ABHD8: variants seen among roughly 807,000 people sequenced by gnomAD.
The protein encoded by ABHD8 is protein ABHD8.
A neutral mutation model predicts 29.3 loss-of-function variants in ABHD8; 10 were observed. The ratio of observed to expected loss-of-function variants is 0.34; its 90% CI spans 0.21 to 0.58. The LOEUF is 0.58. ABHD8 is among the 20% of genes least tolerant of loss of function. ABHD8 has a pLI of 0.85. For synonymous variants in ABHD8, 282 were observed against 274.6 expected (o/e 1.03, Z -0.27); for missense variants, 556 against 615.3 (o/e 0.90, Z 1.02).
In ABHD8 at chr19:17,296,430, G is replaced by C. The variant is rs143336254; in HGVS notation, c.762-1585C>G. ...TCAGCAAGTGGTAGGAAAGCAATCT[G>C]ATTAAACAAATGCTTCCGGCTGCCC... On this transcript the variant is annotated intron_variant, in intron 2 of 4. Coordinates refer to ENST00000247706, the MANE Select transcript of ABHD8 (RefSeq NM_024527.5). The C allele has an allele frequency of 4.6e-5, 7 of 152,282 alleles. No homozygotes were observed. The East Asian group carries it at 1.3e-3, about 29-fold the overall frequency. The allele number at this position is 152,282 out of a possible 1,614,324, so 9.4% of individuals were successfully genotyped here.
chr19:17,294,583 C>A, intron 3 of ABHD8, 79 bp from the exon 4 acceptor site: 1 of 1,607,446 alleles, frequency 6.2e-7, no homozygotes, highest in Non-Finnish European at 8.5e-7. Flanking sequence ...CAGCCCTAGT[C>A]CCAGCGGTAC....
rs140686610 is a variant in ABHD8, at chr19:17,294,462, T to C, written c.975A>G (p.Leu325=). 1.2e-6 allele frequency: 2 copies of C among 1,614,016 alleles called. No individual in the cohort carries two copies. The highest frequency in any genetic ancestry group is 1.3e-5 in the African/African-American group (1 of 74,932). Residue 325 remains leucine, a synonymous_variant, in exon 4 of 5, where the codon TTA becomes TTG. Coordinates refer to ENST00000247706, the MANE Select transcript of ABHD8 (RefSeq NM_024527.5). ...ACACGTTGAAAGCGTTGCCCTCCTT[T>C]AACAGCTGCTTCTCCTTGGCTCCTT... is the stretch of plus-strand genomic sequence containing the variant. ...ARQGAKEKQL[L]KEGNAFNVSS... is the part of the protein sequence containing the mutation.
chr19:17,301,424 A>G lies in ABHD8; in HGVS notation c.193T>C (p.Ser65Pro), dbSNP rs2074117932. The part of the protein sequence containing the change: ...AAPPPPSSAS[S>P]DAAQGDLSGL... ...GAGAGGTCCCCCTGGGCTGCATCCGAGGATGCGGATGATGGTGGAGGTGGG... is the reference window on the plus strand; with the variant it reads ...GAGAGGTCCCCCTGGGCTGCATCCGGGGATGCGGATGATGGTGGAGGTGGG... The change falls in exon 2 of 5, where the codon TCG becomes CCG. Residue 65 changes from serine to proline, a missense_variant. Transcript: ENST00000247706. 1 of 1,612,018 alleles carries G rather than the reference A, an allele frequency of 6.2e-7. No individual in the cohort carries two copies. Among genetic ancestry groups the G allele is most frequent in the Non-Finnish European group, 8.5e-7 (1 of 1,179,888 alleles).
intron 2 of ABHD8, among the ~76,000 whole-genome samples, chr19:17,300,040 G>T (rs557022889): frequency 6.6e-6 from 1 of 151,276 alleles, no homozygotes; most frequent in African/African-American, 2.4e-5. Context: ...GAGTAGCTGG[G>T]ACTATAGGTG....
chr19:17,302,796 T>A (rs117410295), intron 1 of ABHD8: 2,670 of 152,200 alleles, frequency 0.018, 29 homozygotes, highest in Non-Finnish European at 0.026. Flanking sequence ...CCCGCCCCCG[T>A]GTCCATGGCA....
At chr19:17,294,598 C>T (rs2074085391) in intron 3 of ABHD8, 77 bp downstream of exon 3, 15 of 1,606,288 alleles carry the variant, frequency 9.3e-6, no homozygotes, top group Non-Finnish European at 1.1e-5. Context: ...CGGTACAGTC[C>T]CCCCTCCCAT....
intron 2 of ABHD8, among the ~76,000 whole-genome samples, chr19:17,296,895 G>A (rs994952781): frequency 4.0e-5 from 6 of 151,776 alleles, no homozygotes; most frequent in Non-Finnish European, 7.4e-5. Flanking sequence ...GGGTTTCACC[G>A]TGTTAGTCAG....
chr19:17,295,130 G>T (rs1205834066), intron 2 of ABHD8, among the ~76,000 whole-genome samples: 20 of 118,628 alleles, frequency 1.7e-4, no homozygotes, highest in Admixed American at 1.3e-3. Flanking sequence ...ACGGAGTCTC[G>T]CTCTGTCGCC....
chr19:17,301,680 G>A (rs764220135), intron 1 of ABHD8, 56 bp from the exon 2 acceptor site: 538 of 1,460,454 alleles, frequency 3.7e-4, no homozygotes, highest in Non-Finnish European at 4.6e-4. Context: ...ACCCTGCACC[G>A]TGCAGCAGGC....
At position 17,301,158 on chromosome 19, in the gene ABHD8, GCGCCTGGCTCGC is replaced by G; in HGVS notation, c.447_458del (p.Arg150_Arg153del). The G allele has an allele frequency of 6.2e-7, 1 of 1,611,138 alleles. No homozygotes were observed. Among genetic ancestry groups the G allele is most frequent in the Non-Finnish European group, 8.5e-7 (1 of 1,179,612 alleles). Reference sequence around the variant, plus strand: ...AGTCAATATGGATGGTCCTCTTGGGGCGCCTGGCTCGCCGCCGCCGCCCACCACTGCCACTGC... The same window carrying G: ...AGTCAATATGGATGGTCCTCTTGGGGCGCCGCCGCCCACCACTGCCACTGC... On this transcript the variant is annotated inframe_deletion, in exon 2 of 5. Transcript: ENST00000247706.
chr19:17,293,919 A>G (rs1346321259), intron 4 of ABHD8, among the ~76,000 whole-genome samples: 6 of 151,996 alleles, frequency 3.9e-5, no homozygotes, highest in Admixed American at 3.3e-4. Flanking sequence ...TGAACTCGCT[A>G]ATTAGAGTTT....
chr19:17,301,566 G>T lies in ABHD8; in HGVS notation c.51C>A (p.Pro17=). 6.3e-7 allele frequency: 1 copy of T among 1,597,974 alleles called. No individual in the cohort carries two copies. Among genetic ancestry groups the T allele is most frequent in the Non-Finnish European group, 8.5e-7 (1 of 1,171,236 alleles). The change falls in exon 2 of 5, where the codon CCC becomes CCA. Residue 17 remains proline (P), a synonymous_variant. Coordinates refer to ENST00000247706, the MANE Select transcript of ABHD8 (RefSeq NM_024527.5). ...DGIFCCLLGT[P]PNAVGPLESV... is the part of the protein sequence containing the mutation. ...TCTCCAGTGGCCCCACGGCGTTGGG[G>T]GGCGTGCCCAGCAGGCAACAGAAGA...
rs538415951 is a variant in ABHD8, at chr19:17,301,709, G to A, written c.-8-85C>T. ...AGCAGGCACTCCCTGAGCCTTGGGAGAACTGTTTTAGACTCCAGTTTGGGG... is the reference window on the plus strand; with the variant it reads ...AGCAGGCACTCCCTGAGCCTTGGGAAAACTGTTTTAGACTCCAGTTTGGGG... On this transcript the variant is annotated intron_variant, in intron 1 of 4. Transcript: ENST00000247706. The A allele has an allele frequency of 4.0e-5, 57 of 1,412,936 alleles. 2 individuals are homozygous for A. In the South Asian group the frequency reaches 7.9e-4, roughly 20 times the overall value. 87.5% of individuals were successfully genotyped at this position (1,412,936 alleles called of 1,614,324 possible).
At position 17,301,211 on chromosome 19, in the gene ABHD8, C is replaced by T. The variant is rs762089945; in HGVS notation, c.406G>A (p.Ala136Thr). ...GSDGRLAPGS[A>T]GSGSGSGSGG... ...CTGCCACTGCCGCTGCCGCTGCCTGCGCTGCCGGGGGCCAAGCGGCCATCG... is the reference window on the plus strand; with the variant it reads ...CTGCCACTGCCGCTGCCGCTGCCTGTGCTGCCGGGGGCCAAGCGGCCATCG... The change falls in exon 2 of 5, where the codon GCA becomes ACA. Residue 136 changes from alanine to threonine, a missense_variant. Physicochemically the swap from Ala to Thr is moderately conservative, Grantham distance 58. This residue lies in a region of ABHD8 where 286 missense variants were observed against 261.4 expected (regional missense o/e 1.09). Coordinates refer to ENST00000247706, the MANE Select transcript of ABHD8 (RefSeq NM_024527.5). 2.0e-5 allele frequency: 32 copies of T among 1,598,538 alleles called. No homozygotes were observed. The highest frequency in any genetic ancestry group is 2.6e-5 in the Non-Finnish European group (31 of 1,175,252).
chr19:17,294,940 GT>G, intron 2 of ABHD8, 95 bp from the exon 3 acceptor site: 1 of 1,428,424 alleles, frequency 7.0e-7, no homozygotes, highest in Non-Finnish European at 9.5e-7. Flanking sequence ...TTTTGTTTTT[GT>G]TTGAGACAGT....
intron 1 of ABHD8, 148 bp from the exon 2 acceptor site, chr19:17,301,772 TTGTTTG>T: frequency 2.3e-6 from 2 of 871,498 alleles, no homozygotes; most frequent in South Asian, 2.2e-5. Context: ...TGAGATTTTT[TTGTTTG>T]TGTGTGTGTG....
Position 17,301,366 on chromosome 19 carries a change from A to G in ABHD8, c.251T>C (p.Val84Ala), listed in dbSNP as rs912465414. ...GLVRCQRRIT[V>A]YRNGRLLVEN... Reference sequence around the variant, plus strand: ...CACCAGCAACCGCCCATTGCGGTACACGGTGATCCGGCGCTGACAGCGGAC... The same window carrying G: ...CACCAGCAACCGCCCATTGCGGTACGCGGTGATCCGGCGCTGACAGCGGAC... Residue 84 changes from valine to alanine, a missense_variant, in exon 2 of 5, where the codon GTG becomes GCG. This residue lies in a region of ABHD8 where 286 missense variants were observed against 261.4 expected (regional missense o/e 1.09). Transcript: ENST00000247706. 16 of 1,610,900 alleles carry G rather than the reference A, an allele frequency of 9.9e-6. No individual in the cohort carries two copies. The highest frequency in any genetic ancestry group is 1.4e-5 in the Non-Finnish European group (16 of 1,179,904).
chr19:17,297,710 T>C (rs2074098901), intron 2 of ABHD8: 1 of 151,838 alleles, frequency 6.6e-6, no homozygotes, highest in Admixed American at 6.6e-5. Context: ...ATTCCTTTCT[T>C]TTAGATACTT....
At position 17,292,608 on chromosome 19, in the gene ABHD8, GCCT is replaced by G. The variant is rs1162179631; in HGVS notation, c.*50_*52del. 1.2e-5 allele frequency: 19 copies of G among 1,539,096 alleles called. No homozygotes were observed. Among genetic ancestry groups the G allele is most frequent in the Non-Finnish European group, 1.6e-5 (18 of 1,143,038 alleles). ...CGCTGCAGACCTGGCGCAGGCTCGG[GCCT>G]CCTCCTGCTGCGGCTGTGCTCACCA... On this transcript the variant is annotated 3_prime_UTR_variant, in exon 5 of 5. Coordinates refer to ENST00000247706, the MANE Select transcript of ABHD8 (RefSeq NM_024527.5).
Sources: gnomAD v4.1 joint callset for allele counts (sites outside exome capture counted in the v4.1 genomes callset) on GRCh38, gnomAD v4.1.1 for gene constraint, gnomAD v4.1.1 regional missense constraint, MANE v1.5 for transcripts, NCBI Gene and HGNC (gene_info 2026-07-23, HGNC 2026-07-21) for gene names.